The following RUFY3 variants were observed in gnomAD, a reference collection of about 807,000 sequenced individuals.
RUFY3 encodes the protein protein RUFY3.
In RUFY3, 34 loss-of-function variants were observed where a neutral mutation model predicts 84.0. The ratio of observed to expected loss-of-function variants is 0.40; its 90% CI spans 0.31 to 0.54. The LOEUF (loss-of-function observed/expected upper bound fraction) is 0.54. Among genes scored for constraint, RUFY3 ranks in the 20% least tolerant of loss-of-function variants. The probability of loss-of-function intolerance (pLI) is 0.39; values close to 1 mark genes in which losing one functional copy is unlikely to be tolerated. For missense variants in RUFY3, 507 were observed against 736.8 expected (o/e 0.69, Z 3.61); for synonymous variants, 242 against 252.9 (o/e 0.96, Z 0.41).
At chr4:70,769,217 T>C (rs2148724918) in intron 5 of RUFY3, among the ~76,000 whole-genome samples, 1 of 152,156 alleles carries the variant, frequency 6.6e-6, no homozygotes, top group East Asian at 1.9e-4. Context: ...GTGTAGCTAC[T>C]TGGGAGGCTG....
At chr4:70,754,146 G>A (rs941105218) in intron 1 of RUFY3, among the ~76,000 whole-genome samples, 9 of 151,744 alleles carry the variant, frequency 5.9e-5, no homozygotes, top group East Asian at 1.9e-4. Flanking sequence ...TCTGCCTGCC[G>A]GGTTCAAGTG....
intron 1 of RUFY3, among the ~76,000 whole-genome samples, chr4:70,751,375 A>T (rs1723109784): frequency 6.6e-6 from 1 of 152,084 alleles, no homozygotes; most frequent in South Asian, 2.1e-4. Context: ...ACCATTTTAC[A>T]CTCCTACAAG....
In RUFY3 at chr4:70,788,547, G is replaced by A. The variant is rs372293354; in HGVS notation, c.1072-259G>A. Among the ~76,000 whole-genome samples the A allele has an allele frequency of 1.6e-4, 24 of 152,176 alleles. 1 individual carries two copies. In the East Asian group the frequency reaches 4.4e-3, roughly 28 times the overall value. On this transcript the variant is annotated intron_variant, in intron 10 of 17. Coordinates refer to ENST00000381006, the MANE Select transcript of RUFY3 (RefSeq NM_001037442.4). Reference sequence around the variant, plus strand: ...TCTCAAATATGTATATATTTTAGATGTATTAAATAACACTATCTTTGGCTT... The same window carrying A: ...TCTCAAATATGTATATATTTTAGATATATTAAATAACACTATCTTTGGCTT...
Position 70,775,251 on chromosome 4 carries a change from A to G in RUFY3, c.824+18A>G, listed in dbSNP as rs373234743. The G allele has an allele frequency of 5.4e-6, 8 of 1,472,730 alleles. No individual in the cohort carries two copies. The African/African-American group carries it at 1.1e-4, about 21-fold the overall frequency. The allele number at this position is 1,472,730 out of a possible 1,614,324, so 91.2% of individuals were successfully genotyped here. On this transcript the variant is annotated intron_variant, in intron 7 of 17. Transcript: ENST00000381006. ...CATTTGAAGTAAATAATGAATAAATATATTACTTTACTGGGGAATTGTTGA... is the reference window on the plus strand; with the variant it reads ...CATTTGAAGTAAATAATGAATAAATGTATTACTTTACTGGGGAATTGTTGA...
chr4:70,721,801 T>G, upstream of RUFY3: 1 of 942,790 alleles, frequency 1.1e-6, no homozygotes, highest in Non-Finnish European at 1.3e-6. Context: ...CATTGTGTTA[T>G]GTCTGATCAC....
rs1732053841 is a variant in RUFY3 at position 70,800,261 on chromosome 4, G to A, written c.1622+56G>A. ...TAAAGTTATTCTGGGGTGGTGGGAAGGAGGGAGTTCTTTATATACATTGGC... is the reference window on the plus strand; with the variant it reads ...TAAAGTTATTCTGGGGTGGTGGGAAAGAGGGAGTTCTTTATATACATTGGC... On this transcript the variant is annotated intron_variant, in intron 15 of 17. Coordinates refer to ENST00000381006, the MANE Select transcript of RUFY3 (RefSeq NM_001037442.4). The A allele has an allele frequency of 8.5e-6, 12 of 1,415,778 alleles. No individual in the cohort carries two copies. The South Asian group carries it at 1.6e-4, about 18-fold the overall frequency. 87.7% of individuals were successfully genotyped at this position (1,415,778 alleles called of 1,614,324 possible).
chr4:70,785,906 A>G (rs1729715396), intron 10 of RUFY3, among the ~76,000 whole-genome samples: 1 of 152,198 alleles, frequency 6.6e-6, no homozygotes. Context: ...CTGGGGATAT[A>G]TCCAAAGGAA....
chr4:70,753,447 G>A (rs1207618393), intron 1 of RUFY3, among the ~76,000 whole-genome samples: 1 of 152,076 alleles, frequency 6.6e-6, no homozygotes, highest in East Asian at 1.9e-4. Context: ...ATACATGTAT[G>A]TTGGTTGCCC....
chr4:70,729,101 C>T (rs999611207), intron 1 of RUFY3, among the ~76,000 whole-genome samples: 13 of 151,980 alleles, frequency 8.6e-5, no homozygotes, highest in East Asian at 3.9e-4. Flanking sequence ...TTTGGCAATT[C>T]GTGTTTTAGC....
intron 12 of RUFY3, chr4:70,793,265 T>G (rs1434966954): frequency 5.0e-6 from 5 of 990,392 alleles, no homozygotes; most frequent in Non-Finnish European, 6.0e-6. Context: ...AGGTGAGGGT[T>G]GATATATAAT....
chr4:70,723,624 A>G (rs1009715063), intron 1 of RUFY3, among the ~76,000 whole-genome samples: 1 of 152,220 alleles, frequency 6.6e-6, no homozygotes, highest in African/African-American at 2.4e-5. Context: ...AATCATAGCT[A>G]CAAATCGTTT....
Position 70,768,533 on chromosome 4 carries a change from T to C in RUFY3, c.573-5T>C, listed in dbSNP as rs763189392. The C allele has an allele frequency of 6.2e-7, 1 of 1,610,966 alleles. No individual in the cohort carries two copies. Among genetic ancestry groups the C allele is most frequent in the Non-Finnish European group, 8.5e-7 (1 of 1,179,250 alleles). On this transcript the variant is annotated splice_region_variant and splice_polypyrimidine_tract_variant and intron_variant, in intron 4 of 17. Transcript: ENST00000381006. ...AATAAGGAATTCTGTGGATTTCTCTTACAGTGAATTCTACGAACCCAATGC... is the reference window on the plus strand; with the variant it reads ...AATAAGGAATTCTGTGGATTTCTCTCACAGTGAATTCTACGAACCCAATGC...
At chr4:70,781,086 A>C (rs1049582302) in intron 8 of RUFY3, among the ~76,000 whole-genome samples, 8 of 145,824 alleles carry the variant, frequency 5.5e-5, no homozygotes, top group East Asian at 2.0e-4. Context: ...CCATCTCACA[A>C]AAAAAAAAAA....
chr4:70,779,360 T>G (rs184839498), intron 8 of RUFY3, among the ~76,000 whole-genome samples: 3 of 152,272 alleles, frequency 2.0e-5, no homozygotes, highest in African/African-American at 7.2e-5. Flanking sequence ...GGCCTCACAA[T>G]TAACTCTGAA....
At chr4:70,753,011 G>C (rs992633085) in intron 1 of RUFY3, among the ~76,000 whole-genome samples, 1 of 152,102 alleles carries the variant, frequency 6.6e-6, no homozygotes, top group East Asian at 1.9e-4. Context: ...TTTTAACAAC[G>C]AGACTATCTG....
intron 1 of RUFY3, among the ~76,000 whole-genome samples, chr4:70,739,732 G>A (rs1168134258): frequency 1.3e-5 from 2 of 151,556 alleles, no homozygotes; most frequent in African/African-American, 2.4e-5. Flanking sequence ...TAGAAAAGGA[G>A]CTTCATTCAG....
At chr4:70,726,523 G>A (rs1043298140) in intron 1 of RUFY3, among the ~76,000 whole-genome samples, 6 of 152,100 alleles carry the variant, frequency 3.9e-5, no homozygotes, top group South Asian at 2.1e-4. Flanking sequence ...ACAGGCATGC[G>A]CCACCACGCC....
chr4:70,758,253 A>G (rs1053612041), intron 1 of RUFY3, among the ~76,000 whole-genome samples: 1 of 152,176 alleles, frequency 6.6e-6, no homozygotes, highest in Non-Finnish European at 1.5e-5. Context: ...TTACACTTGA[A>G]TAGTATTTAA....
At chr4:70,704,169 G>A (rs1739994227), upstream of RUFY3, 1 of 152,142 alleles carries the variant, frequency 6.6e-6, no homozygotes, top group Admixed American at 6.6e-5. Context: ...ATGCGCACCC[G>A]CGGCACTAGA....
Sources: gnomAD v4.1 joint callset for allele counts (sites outside exome capture counted in the v4.1 genomes callset) on GRCh38, gnomAD v4.1.1 for gene constraint, MANE v1.5 for transcripts, NCBI Gene and HGNC (gene_info 2026-07-23, HGNC 2026-07-21) for gene names.